TRPM3: variants seen among roughly 807,000 people sequenced by gnomAD.
TRPM3 encodes the protein long transient receptor potential channel 3.
Under a neutral mutation model 181.2 loss-of-function variants are expected in TRPM3, and 77 were observed. The ratio of observed to expected loss-of-function variants is 0.42; its 90% CI spans 0.35 to 0.51. TRPM3 has a LOEUF of 0.51. TRPM3 is among the 20% of genes least tolerant of loss of function. The pLI, the probability that TRPM3 is intolerant of heterozygous loss-of-function variation, is 0.01. For missense variants in TRPM3, 1,759 were observed against 2,196.7 expected (o/e 0.80, Z 3.98); for synonymous variants, 745 against 796.4 (o/e 0.94, Z 1.09).
intron 1 of TRPM3, among the ~76,000 whole-genome samples, chr9:71,411,800 A>T (rs2093554786): frequency 6.6e-6 from 1 of 152,230 alleles, no homozygotes; most frequent in Non-Finnish European, 1.5e-5. Context: ...GACAATACTA[A>T]GCAAAAAGAA....
rs1373129897 is a variant in TRPM3, at chr9:71,430,803, T to G, written c.183+15850A>C. Among the ~76,000 whole-genome samples, 4 of 151,936 alleles carry G rather than the reference T, an allele frequency of 2.6e-5. No homozygotes were observed. The South Asian group carries it at 8.4e-4, about 32-fold the overall frequency. On this transcript the variant is annotated intron_variant, in intron 1 of 24. Transcript: ENST00000357533. ...TCCAACCTGGGTGAGAGAGCGAGAC[T>G]CCATTTTAAAAAAAAAAGAATGCTT...
intron 1 of TRPM3, among the ~76,000 whole-genome samples, chr9:70,866,219 C>T (rs1267809623): frequency 6.6e-6 from 1 of 152,066 alleles, no homozygotes; most frequent in African/African-American, 2.4e-5. Flanking sequence ...TTGAAACCAA[C>T]TTTTCCTACA....
chr9:70,750,813 A>C (rs2076004330), intron 8 of TRPM3, among the ~76,000 whole-genome samples: 1 of 152,176 alleles, frequency 6.6e-6, no homozygotes, highest in African/African-American at 2.4e-5. Flanking sequence ...GTTTCTGGAC[A>C]TGTAGAACTT....
intron 1 of TRPM3, among the ~76,000 whole-genome samples, chr9:71,227,899 C>T (rs182595687): frequency 3.9e-4 from 60 of 152,192 alleles, no homozygotes; most frequent in African/African-American, 1.4e-3. Flanking sequence ...CTGAATTCTA[C>T]CAAACATTTA....
chr9:70,939,903 G>A (rs536142135), intron 1 of TRPM3, among the ~76,000 whole-genome samples: 62 of 152,286 alleles, frequency 4.1e-4, no homozygotes, highest in Non-Finnish European at 7.4e-4. Flanking sequence ...TTTTGGAATT[G>A]CATTCAATAA....
chr9:71,402,276 T>C (rs1407965360), intron 1 of TRPM3, among the ~76,000 whole-genome samples: 1 of 152,188 alleles, frequency 6.6e-6, no homozygotes, highest in East Asian at 1.9e-4. Flanking sequence ...CTTGCCTCTT[T>C]AGTAGTCAAC....
intron 1 of TRPM3, among the ~76,000 whole-genome samples, chr9:70,923,292 G>T (rs921331797): frequency 6.6e-6 from 1 of 151,966 alleles, no homozygotes; most frequent in African/African-American, 2.4e-5. Context: ...TTTAATACCT[G>T]TTCACAAAAC....
At chr9:71,181,925 A>C (rs998865231) in intron 1 of TRPM3, among the ~76,000 whole-genome samples, 2 of 151,962 alleles carry the variant, frequency 1.3e-5, no homozygotes, top group Non-Finnish European at 2.9e-5. Flanking sequence ...TTCCTGGGCC[A>C]CTCAATAAAT....
At chr9:71,411,706 C>T (rs1351712553) in intron 1 of TRPM3, among the ~76,000 whole-genome samples, 1 of 152,190 alleles carries the variant, frequency 6.6e-6, no homozygotes, top group African/African-American at 2.4e-5. Flanking sequence ...CCATCCCCAT[C>T]AAGCTACCAG....
intron 19 of TRPM3, 32 bp downstream of exon 19, chr9:70,610,577 C>T: frequency 6.2e-7 from 1 of 1,603,592 alleles, no homozygotes; most frequent in Non-Finnish European, 8.5e-7. Flanking sequence ...TTGTGGCCAT[C>T]CACTAGGAAG....
chr9:71,055,662 A>T (rs574293116), intron 1 of TRPM3, among the ~76,000 whole-genome samples: 128 of 152,158 alleles, frequency 8.4e-4, no homozygotes, highest in African/African-American at 3.0e-3. Context: ...GGAATTGGTG[A>T]TGTAGACAGA....
At chr9:70,686,137 A>G (rs1253050284) in intron 8 of TRPM3, among the ~76,000 whole-genome samples, 2 of 151,660 alleles carry the variant, frequency 1.3e-5, no homozygotes, top group East Asian at 3.9e-4. Flanking sequence ...CATATGTAAA[A>G]CCACACATGT....
chr9:71,197,077 G>T (rs2078428135), intron 1 of TRPM3, among the ~76,000 whole-genome samples: 1 of 152,034 alleles, frequency 6.6e-6, no homozygotes, highest in Non-Finnish European at 1.5e-5. Context: ...GTGTCCATGT[G>T]TTCTCATTGT....
chr9:70,539,554 T>G (rs1393408282), intron 25 of TRPM3, among the ~76,000 whole-genome samples: 1 of 150,890 alleles, frequency 6.6e-6, no homozygotes, highest in Non-Finnish European at 1.5e-5. Flanking sequence ...TCTGCCACCA[T>G]CCCCAGGTGT....
intron 1 of TRPM3, among the ~76,000 whole-genome samples, chr9:71,084,952 T>C (rs1449265290): frequency 6.6e-6 from 1 of 151,922 alleles, no homozygotes; most frequent in East Asian, 1.9e-4. Flanking sequence ...TGTAGCAGAA[T>C]AGAGGACCCA....
intron 1 of TRPM3, among the ~76,000 whole-genome samples, chr9:70,922,760 G>T (rs1440721496): frequency 1.3e-5 from 2 of 152,052 alleles, no homozygotes; most frequent in East Asian, 3.9e-4. Flanking sequence ...ATTTTTATTT[G>T]ATTTCAGTTA....
At chr9:70,746,528 T>C (rs939835038) in intron 8 of TRPM3, among the ~76,000 whole-genome samples, 2 of 152,078 alleles carry the variant, frequency 1.3e-5, no homozygotes, top group Admixed American at 6.6e-5. Context: ...TCTTCTCCAG[T>C]GTCTAAGGGA....
intron 7 of TRPM3, among the ~76,000 whole-genome samples, chr9:70,769,243 C>A (rs2079741799): frequency 6.6e-6 from 1 of 152,142 alleles, no homozygotes; most frequent in Non-Finnish European, 1.5e-5. Flanking sequence ...CACTCTGTCA[C>A]ACATATCCCA....
chr9:71,303,175 G>A (rs1485337247), intron 1 of TRPM3, among the ~76,000 whole-genome samples: 1 of 152,170 alleles, frequency 6.6e-6, no homozygotes, highest in Non-Finnish European at 1.5e-5. Context: ...GAAAAGGAAA[G>A]GGACAGGGAG....
Sources: allele counts gnomAD v4.1 joint callset (sites outside exome capture counted in the v4.1 genomes callset), GRCh38; gene constraint gnomAD v4.1.1; transcripts MANE v1.5; gene names NCBI Gene and HGNC (gene_info 2026-07-23, HGNC 2026-07-21).